The following SOX5 variants were observed in gnomAD, a reference collection of about 807,000 sequenced individuals.
SOX5 encodes the protein SRY-box transcription factor 5.
SOX5 carries 9 observed loss-of-function variants against 92.0 expected under a neutral mutation model. The ratio of observed to expected loss-of-function variants is 0.10; its 90% CI spans 0.06 to 0.17. The LOEUF (loss-of-function observed/expected upper bound fraction) is 0.17, where lower values mean the gene tolerates loss of function less well. SOX5 is among the 10% of genes least tolerant of loss of function. SOX5 has a pLI of 1.00. For synonymous variants in SOX5, 344 were observed against 336.3 expected (o/e 1.02, Z -0.25); for missense variants, 642 against 944.5 (o/e 0.68, Z 4.20).
intron 3 of SOX5, among the ~76,000 whole-genome samples, chr12:24,243,556 T>C (rs1474688792): frequency 6.6e-6 from 1 of 152,206 alleles, no homozygotes. Flanking sequence ...ATTCTTTTCA[T>C]ATAATCAGTC....
intron 4 of SOX5, among the ~76,000 whole-genome samples, chr12:24,047,937 C>A (rs572972227): frequency 6.6e-6 from 1 of 152,134 alleles, no homozygotes; most frequent in Non-Finnish European, 1.5e-5. Flanking sequence ...GAAGAGTAAA[C>A]GTTAACAAGT....
intron 1 of SOX5, among the ~76,000 whole-genome samples, chr12:24,524,340 C>CTATCT (rs1555335377): frequency 6.9e-6 from 1 of 145,150 alleles, no homozygotes; most frequent in African/African-American, 2.6e-5. Context: ...AATCCCCTCC[C>CTATCT]ATCTATCTAT....
At chr12:23,679,178 A>G (rs1030237905) in intron 6 of SOX5, among the ~76,000 whole-genome samples, 5 of 152,172 alleles carry the variant, frequency 3.3e-5, no homozygotes, top group Non-Finnish European at 7.4e-5. Flanking sequence ...AGTAAATCGA[A>G]AGTAGTTTGG....
chr12:24,454,723 C>T (rs150453823), intron 1 of SOX5, among the ~76,000 whole-genome samples: 7 of 152,182 alleles, frequency 4.6e-5, no homozygotes, highest in South Asian at 2.1e-4. Context: ...ATGCTTGGAA[C>T]GCACCCTTCC....
At chr12:24,295,523 T>G (rs1947114538) in intron 2 of SOX5, among the ~76,000 whole-genome samples, 1 of 152,300 alleles carries the variant, frequency 6.6e-6, no homozygotes, top group East Asian at 1.9e-4. Flanking sequence ...CTAAAGGATA[T>G]TTTGTTCAGT....
At chr12:23,978,312 C>A (rs567379129) in intron 4 of SOX5, among the ~76,000 whole-genome samples, 2 of 152,128 alleles carry the variant, frequency 1.3e-5, no homozygotes, top group African/African-American at 4.8e-5. Context: ...CTAAATGTAG[C>A]CAATATTAAA....
chr12:24,076,663 G>A (rs74068182), intron 4 of SOX5, among the ~76,000 whole-genome samples: 1,979 of 149,182 alleles, frequency 0.013, 35 homozygotes, highest in African/African-American at 0.046. Flanking sequence ...AGATAAATAG[G>A]ACCAATGTGA....
At chr12:24,181,639 C>A (rs1479325752) in intron 4 of SOX5, among the ~76,000 whole-genome samples, 1 of 152,002 alleles carries the variant, frequency 6.6e-6, no homozygotes, top group East Asian at 1.9e-4. Context: ...CAGGAAAAAC[C>A]CAGAAGCATG....
intron 4 of SOX5, among the ~76,000 whole-genome samples, chr12:24,183,769 T>C (rs1594036185): frequency 6.6e-6 from 1 of 152,298 alleles, no homozygotes; most frequent in South Asian, 2.1e-4. Flanking sequence ...GCACCAAAGT[T>C]GGAGCCAAAC....
chr12:24,383,210 G>A (rs141120693), intron 1 of SOX5, among the ~76,000 whole-genome samples: 47 of 152,148 alleles, frequency 3.1e-4, no homozygotes, highest in African/African-American at 1.0e-3. Context: ...GAACCACCCC[G>A]CCTGGCCCAA....
At chr12:23,584,598 T>C in intron 9 of SOX5, 1 of 1,608,018 alleles carries the variant, frequency 6.2e-7, no homozygotes. Context: ...GTGAACCCAC[T>C]ATAACTGACT....
At chr12:23,682,933 T>C (rs1593247892) in intron 6 of SOX5, among the ~76,000 whole-genome samples, 1 of 151,984 alleles carries the variant, frequency 6.6e-6, no homozygotes, top group Non-Finnish European at 1.5e-5. Context: ...TCAGTTCCCA[T>C]TTGTCACCTG....
chr12:23,801,413 A>T (rs1482631380), intron 3 of SOX5, among the ~76,000 whole-genome samples: 2 of 152,168 alleles, frequency 1.3e-5, no homozygotes, highest in Non-Finnish European at 2.9e-5. Flanking sequence ...CAATCAAAAG[A>T]TGGTAATAAC....
chr12:23,558,706 G>A (rs1945668822), intron 11 of SOX5, among the ~76,000 whole-genome samples: 1 of 152,188 alleles, frequency 6.6e-6, no homozygotes, highest in African/African-American at 2.4e-5. Flanking sequence ...AGGTTCAAGT[G>A]ATTCTCCTGC....
At chr12:24,373,091 C>A (rs1402309355) in intron 1 of SOX5, among the ~76,000 whole-genome samples, 1 of 151,596 alleles carries the variant, frequency 6.6e-6, no homozygotes, top group East Asian at 1.9e-4. Context: ...GCACTCCAAC[C>A]TCAGTAACAA....
At chr12:23,608,108 G>GAAAAA (rs1566278538) in intron 8 of SOX5, among the ~76,000 whole-genome samples, 242 of 5,668 alleles carry the variant, frequency 0.043, 7 homozygotes, top group African/African-American at 0.06. Context: ...TGTCTCAAAA[G>GAAAAA]AAAAAAGAAA....
At chr12:23,654,046 A>G (rs1044302334) in intron 7 of SOX5, among the ~76,000 whole-genome samples, 4 of 152,150 alleles carry the variant, frequency 2.6e-5, no homozygotes, top group African/African-American at 9.7e-5. Flanking sequence ...GGTTTAGTAG[A>G]AAAACCATAT....
At chr12:24,366,118 C>G (rs1956146763) in intron 2 of SOX5, among the ~76,000 whole-genome samples, 3 of 152,016 alleles carry the variant, frequency 2.0e-5, no homozygotes, top group Admixed American at 2.0e-4. Flanking sequence ...ATCCTAGAAC[C>G]CACAGATTGC....
At chr12:23,689,311 T>C (rs925860098) in intron 6 of SOX5, among the ~76,000 whole-genome samples, 5 of 152,148 alleles carry the variant, frequency 3.3e-5, no homozygotes, top group Non-Finnish European at 7.4e-5. Context: ...GCATATGCTG[T>C]CAAAACCAAC....
Sources: allele counts gnomAD v4.1 joint callset (sites outside exome capture counted in the v4.1 genomes callset), GRCh38; gene constraint gnomAD v4.1.1; transcripts MANE v1.5; gene names NCBI Gene and HGNC (gene_info 2026-07-23, HGNC 2026-07-21).